The following VWA2 variants were observed in gnomAD, a reference collection of about 807,000 sequenced individuals.
The protein encoded by VWA2 is von Willebrand factor A domain containing 2, also known as von Willebrand factor A domain-containing protein 2.
VWA2 carries 73 observed loss-of-function variants against 70.4 expected under a neutral mutation model. The observed-to-expected ratio is 1.04, with a 90% CI of 0.86 to 1.26. VWA2 has a LOEUF of 1.26. Among genes scored for constraint, VWA2 ranks in the 50% most tolerant of loss-of-function variants. VWA2 has a pLI of 0.00. For missense variants in VWA2, 1,011 were observed against 998.5 expected, an observed-to-expected ratio of 1.01 and a Z score of -0.17; for synonymous variants, 407 against 423.3, an observed-to-expected ratio of 0.96 and a Z score of 0.47.
At position 114,284,040 on chromosome 10, in the gene VWA2, C is replaced by G. The variant is rs2038536105; in HGVS notation, c.890-823C>G. ...AAGACCTTGTTTGTTTTCTGTAACCCTGGGAAGGAGGTCATGTGGTTTTAG... is the reference window on the plus strand; with the variant it reads ...AAGACCTTGTTTGTTTTCTGTAACCGTGGGAAGGAGGTCATGTGGTTTTAG... On this transcript the variant is annotated intron_variant, in intron 9 of 13. Transcript: ENST00000392982. Among the ~76,000 whole-genome samples the G allele has an allele frequency of 2.6e-5, 4 of 152,294 alleles. No individual in the cohort carries two copies. In the South Asian group the frequency reaches 8.3e-4, roughly 32 times the overall value.
At chr10:114,240,971 C>G (rs1203371461) in intron 1 of VWA2, among the ~76,000 whole-genome samples, 1 of 152,338 alleles carries the variant, frequency 6.6e-6, no homozygotes, top group Non-Finnish European at 1.5e-5. Flanking sequence ...ACAGAGATTA[C>G]AGCCAGTATT....
chr10:114,252,452 C>T (rs565556162), intron 2 of VWA2, among the ~76,000 whole-genome samples: 7 of 152,126 alleles, frequency 4.6e-5, no homozygotes, highest in African/African-American at 1.2e-4. Context: ...GGGAAGGAGC[C>T]GGGAAAGACA....
At chr10:114,282,364 G>A in intron 8 of VWA2, 152 bp from the exon 9 acceptor site, 2 of 651,658 alleles carry the variant, frequency 3.1e-6, no homozygotes, top group Non-Finnish European at 5.6e-6. Flanking sequence ...GCAGAGAAAA[G>A]TTAGGGTAGA....
chr10:114,255,615 T>G (rs2037310355), intron 4 of VWA2, among the ~76,000 whole-genome samples: 1 of 152,220 alleles, frequency 6.6e-6, no homozygotes, highest in African/African-American at 2.4e-5. Context: ...ACTACCTCAG[T>G]GGACTGAATA....
chr10:114,246,348 A>C lies in VWA2; in HGVS notation c.-10-2356A>C, dbSNP rs1021212313. 7 of 577,848 alleles carry C rather than the reference A, an allele frequency of 1.2e-5. No homozygotes were observed. The African/African-American group carries it at 1.3e-4, about 11-fold the overall frequency. 35.8% of individuals were successfully genotyped at this position (577,848 alleles called of 1,614,324 possible). On this transcript the variant is annotated intron_variant, in intron 1 of 13. Transcript: ENST00000392982. ...AAACCCCGTCTCTACTAAAAATACA[A>C]AAATTAGCTGGGCGTGGTGGCGCAT... is the stretch of plus-strand genomic sequence containing the variant.
chr10:114,277,251 T>G (rs746378945), intron 6 of VWA2, among the ~76,000 whole-genome samples: 1 of 131,816 alleles, frequency 7.6e-6, no homozygotes, highest in African/African-American at 2.8e-5. Flanking sequence ...TGGCACAATC[T>G]CGGCTCACTG....
At chr10:114,271,389 T>C (rs1252199103) in intron 5 of VWA2, among the ~76,000 whole-genome samples, 1 of 152,178 alleles carries the variant, frequency 6.6e-6, no homozygotes, top group Non-Finnish European at 1.5e-5. Context: ...GCAATAAAAG[T>C]GAAGAATATT....
At chr10:114,283,363 A>C (rs557987888) in intron 9 of VWA2, among the ~76,000 whole-genome samples, 3,506 of 151,648 alleles carry the variant, frequency 0.023, 162 homozygotes, top group African/African-American at 0.081. Flanking sequence ...GCGAGCAGTT[A>C]GACACACAGG....
Position 114,272,776 on chromosome 10 carries a change from C to A in VWA2, c.408C>A (p.Tyr136Ter). The change falls in exon 6 of 14, where the codon TAC becomes TAA. Residue 136 changes from tyrosine (Y) to a stop codon, truncating the protein, a stop_gained. Coordinates refer to ENST00000392982, the MANE Select transcript of VWA2 (RefSeq NM_001272046.2). LOFTEE classifies it high-confidence loss of function. ...GRTETELALK[Y>*]LLHRGLPGGR... Reference sequence around the variant, plus strand: ...CGGAGACGGAACTTGCTCTGAAATACCTTCTGCACAGAGGGTTGCCTGGAG... The same window carrying A: ...CGGAGACGGAACTTGCTCTGAAATAACTTCTGCACAGAGGGTTGCCTGGAG... The A allele has an allele frequency of 1.9e-6, 3 of 1,612,420 alleles. No homozygotes were observed. Among genetic ancestry groups the A allele is most frequent in the Non-Finnish European group, 2.5e-6 (3 of 1,179,198 alleles).
chr10:114,249,042 C>T (rs1032044219), intron 2 of VWA2, among the ~76,000 whole-genome samples: 9 of 152,016 alleles, frequency 5.9e-5, no homozygotes, highest in East Asian at 3.9e-4. Context: ...TACATGTGCA[C>T]GATGTGCAGG....
rs2038294123 is a variant in VWA2 at position 114,282,566 on chromosome 10, G to C, written c.884G>C (p.Cys295Ser). The change falls in exon 9 of 14, where the codon TGC (cysteine) becomes TCC (serine). Residue 295 changes from cysteine (C) to serine (S), a missense_variant. Transcript: ENST00000392982. ...THPATCYRTT[C>S]PGPCDSQPCQ... The stretch of plus-strand genomic sequence containing the variant: ...CCTGCCACCTGCTACAGGACCACCT[G>C]CCCAGGTATGGTCTGTCTCTTGGAT... 2 of 1,613,928 alleles carry C rather than the reference G, an allele frequency of 1.2e-6. No homozygotes were observed. Among genetic ancestry groups the C allele is most frequent in the Non-Finnish European group, 1.7e-6 (2 of 1,179,812 alleles).
At chr10:114,285,866 G>C in intron 10 of VWA2, 73 bp from the exon 11 acceptor site, 1 of 1,424,370 alleles carries the variant, frequency 7.0e-7, no homozygotes, top group Non-Finnish European at 9.4e-7. Context: ...GGAGATGTTC[G>C]GCATCTCGGG....
At chr10:114,255,177 T>G (rs1308305875) in intron 4 of VWA2, 129 bp downstream of exon 4, 4 of 1,194,160 alleles carry the variant, frequency 3.3e-6, no homozygotes, top group Non-Finnish European at 4.7e-6. Flanking sequence ...GAATCCTGGT[T>G]CCTGGCATGG....
intron 4 of VWA2, 143 bp downstream of exon 4, chr10:114,255,191 G>A (rs1048412427): frequency 3.1e-6 from 3 of 975,006 alleles, no homozygotes; most frequent in Non-Finnish European, 4.6e-6. Flanking sequence ...GGCATGGTGG[G>A]ATCCAAGGGC....
At chr10:114,255,474 G>A (rs1384939392) in intron 4 of VWA2, among the ~76,000 whole-genome samples, 2 of 152,134 alleles carry the variant, frequency 1.3e-5, no homozygotes, top group African/African-American at 2.4e-5. Flanking sequence ...GTTTCTGGCC[G>A]GACCTCAGTT....
intron 1 of VWA2, among the ~76,000 whole-genome samples, chr10:114,242,744 A>G (rs1015628903): frequency 6.6e-6 from 1 of 152,176 alleles, no homozygotes; most frequent in African/African-American, 2.4e-5. Flanking sequence ...TTCTTCATCT[A>G]TAAAGATGTA....
At chr10:114,286,536 G>A (rs753035818) in intron 11 of VWA2, 25 bp downstream of exon 11, 9 of 1,522,208 alleles carry the variant, frequency 5.9e-6, no homozygotes, top group Non-Finnish European at 7.9e-6. Context: ...CCTGACCCAG[G>A]ACCGCTGGTC....
At chr10:114,281,691 C>T in intron 8 of VWA2, 1 of 979,536 alleles carries the variant, frequency 1.0e-6, no homozygotes, top group Non-Finnish European at 1.2e-6. Context: ...TAGCAGCACA[C>T]CTGGGGTGGA....
At position 114,247,825 on chromosome 10, in the gene VWA2, A is replaced by G. The variant is rs112760578; in HGVS notation, c.-10-879A>G. On this transcript the variant is annotated intron_variant, in intron 1 of 13. Transcript: ENST00000392982. Reference sequence around the variant, plus strand: ...AAGGGAGGAACCACAGCCTCTCCCAAGGTCACAGGGCACCAGGATGAGGAT... The same window carrying G: ...AAGGGAGGAACCACAGCCTCTCCCAGGGTCACAGGGCACCAGGATGAGGAT... Among the ~76,000 whole-genome samples the G allele has an allele frequency of 5.2e-3, 797 of 152,222 alleles. 13 individuals are homozygous for G. The highest frequency in any genetic ancestry group is 0.018 in the African/African-American group (767 of 41,532).
Sources: allele counts gnomAD v4.1 joint callset (sites outside exome capture counted in the v4.1 genomes callset), GRCh38; gene constraint gnomAD v4.1.1; transcripts MANE v1.5; gene names NCBI Gene and HGNC (gene_info 2026-07-23, HGNC 2026-07-21).